Variants in VSNL1 observed in about 807,000 individuals in gnomAD.
VSNL1 encodes the protein visinin like 1.
Under a neutral mutation model 20.4 loss-of-function variants are expected in VSNL1, and 6 were observed. That is an observed-to-expected ratio of 0.29 (90% CI 0.16 to 0.58). The LOEUF is 0.58. VSNL1 is among the 20% of genes least tolerant of loss of function. The pLI is 0.90. For synonymous variants in VSNL1, 93 were observed against 86.4 expected (o/e 1.08, Z -0.42); for missense variants, 100 against 234.5 (o/e 0.43, Z 3.75).
rs920350847 is a variant in VSNL1, at chr2:17,656,695, C to A, written c.*1301C>A. On this transcript the variant is annotated 3_prime_UTR_variant, in exon 4 of 4. Coordinates refer to ENST00000295156, the MANE Select transcript of VSNL1 (RefSeq NM_003385.5). Reference sequence around the variant, plus strand: ...GGTTTGCATTTTCAGAACATGCCCCCCTAGAGAGTTGAGTTTTTTACACAG... The same window carrying A: ...GGTTTGCATTTTCAGAACATGCCCCACTAGAGAGTTGAGTTTTTTACACAG... 1.3e-5 allele frequency: 2 copies of A among 152,286 alleles called. No homozygotes were observed. Among genetic ancestry groups the A allele is most frequent in the African/African-American group, 2.4e-5 (1 of 41,564 alleles). The allele number at this position is 152,286 out of a possible 1,614,324, so 9.4% of individuals were successfully genotyped here. A position where few individuals can be genotyped will look rare whatever the true frequency, so the allele number is the denominator to read the frequency against.
intron 2 of VSNL1, among the ~76,000 whole-genome samples, chr2:17,641,166 C>A (rs780570038): frequency 1.3e-5 from 2 of 152,172 alleles, no homozygotes; most frequent in African/African-American, 4.8e-5. Flanking sequence ...AAATGAGAAT[C>A]GATCTTGGAT....
At chr2:17,572,462 G>A (rs1664106490) in intron 1 of VSNL1, among the ~76,000 whole-genome samples, 4 of 152,062 alleles carry the variant, frequency 2.6e-5, no homozygotes, top group Admixed American at 2.6e-4. Context: ...GTCTTACACT[G>A]TGACTGGAGC....
intron 1 of VSNL1, among the ~76,000 whole-genome samples, chr2:17,566,422 A>ATATTAAATTT (rs1251848854): frequency 6.6e-6 from 1 of 152,156 alleles, no homozygotes; most frequent in Non-Finnish European, 1.5e-5. Context: ...TGGTATCATA[A>ATATTAAATTT]TATTAAATTT....
intron 2 of VSNL1, among the ~76,000 whole-genome samples, chr2:17,618,226 C>T (rs781604823): frequency 2.0e-5 from 3 of 152,184 alleles, no homozygotes; most frequent in East Asian, 3.8e-4. Flanking sequence ...TATTATCTTA[C>T]ACTTTTGGGG....
intron 2 of VSNL1, among the ~76,000 whole-genome samples, chr2:17,623,272 T>C (rs1665427979): frequency 6.6e-6 from 1 of 152,094 alleles, no homozygotes; most frequent in African/African-American, 2.4e-5. Context: ...TGTAAGTAAG[T>C]AGGATACTTG....
chr2:17,603,181 A>G (rs542294589), intron 2 of VSNL1, among the ~76,000 whole-genome samples: 1 of 152,354 alleles, frequency 6.6e-6, no homozygotes, highest in East Asian at 1.9e-4. Flanking sequence ...GTCTCAGTTC[A>G]TTTGAGCTGC....
chr2:17,602,677 T>C (rs1664848734), intron 2 of VSNL1, among the ~76,000 whole-genome samples: 1 of 152,046 alleles, frequency 6.6e-6, no homozygotes, highest in South Asian at 2.1e-4. Flanking sequence ...GAGGCGGCAG[T>C]TGCATTGAGC....
chr2:17,619,477 A>C (rs905727768), intron 2 of VSNL1, among the ~76,000 whole-genome samples: 11 of 152,166 alleles, frequency 7.2e-5, no homozygotes, highest in Admixed American at 3.9e-4. Context: ...ATGAATATTA[A>C]CTCAAATGCG....
chr2:17,654,305 C>T (rs777583678), intron 3 of VSNL1, among the ~76,000 whole-genome samples: 21 of 152,180 alleles, frequency 1.4e-4, no homozygotes, highest in Non-Finnish European at 4.4e-5. Context: ...AATCTTCTCA[C>T]TCTATTCTTT....
chr2:17,561,516 C>A (rs942289521), intron 1 of VSNL1, among the ~76,000 whole-genome samples: 18 of 152,100 alleles, frequency 1.2e-4, no homozygotes, highest in Non-Finnish European at 2.4e-4. Context: ...CAGTATTAAG[C>A]AATTTTACTC....
intron 2 of VSNL1, among the ~76,000 whole-genome samples, chr2:17,604,249 T>G (rs74547636): frequency 0.082 from 12,419 of 152,264 alleles, 694 homozygotes; most frequent in Non-Finnish European, 0.12. Flanking sequence ...ACTGAGCAGG[T>G]GATGAGCAGG....
intron 2 of VSNL1, among the ~76,000 whole-genome samples, chr2:17,592,638 CTCTTTTTTTTTT>C (rs1405733646): frequency 1.9e-3 from 144 of 77,646 alleles, no homozygotes; most frequent in Non-Finnish European, 2.9e-3. Context: ...CTCTCTCTCT[CTCTTTTTTTTTT>C]TTTTTTTTTT....
At chr2:17,619,761 G>A (rs192292037) in intron 2 of VSNL1, among the ~76,000 whole-genome samples, 71 of 152,090 alleles carry the variant, frequency 4.7e-4, no homozygotes, top group African/African-American at 1.5e-3. Flanking sequence ...GAGGAATGAG[G>A]GTAACGTATT....
intron 1 of VSNL1, among the ~76,000 whole-genome samples, chr2:17,579,116 T>C (rs550232496): frequency 3.9e-5 from 6 of 152,140 alleles, no homozygotes; most frequent in South Asian, 2.1e-4. Flanking sequence ...TTCTTTCTTT[T>C]TTTTTATTTT....
At chr2:17,613,802 A>G (rs1361631542) in intron 2 of VSNL1, among the ~76,000 whole-genome samples, 1 of 152,166 alleles carries the variant, frequency 6.6e-6, no homozygotes, top group African/African-American at 2.4e-5. Flanking sequence ...TTGTTCATCT[A>G]TTCATCCCAT....
intron 1 of VSNL1, among the ~76,000 whole-genome samples, chr2:17,568,657 C>CT (rs1183580247): frequency 6.6e-6 from 1 of 152,126 alleles, no homozygotes; most frequent in Non-Finnish European, 1.5e-5. Context: ...TGTTTACCAA[C>CT]TTTTTTCATC....
chr2:17,604,858 A>G (rs1257755387), intron 2 of VSNL1, among the ~76,000 whole-genome samples: 1 of 152,134 alleles, frequency 6.6e-6, no homozygotes, highest in African/African-American at 2.4e-5. Context: ...TTATTACTAA[A>G]TGGCACAAAG....
chr2:17,612,431 G>C (rs553214334), intron 2 of VSNL1, among the ~76,000 whole-genome samples: 6 of 152,208 alleles, frequency 3.9e-5, no homozygotes, highest in Non-Finnish European at 8.8e-5. Flanking sequence ...ACTGTGGGAT[G>C]CTGGGTAATG....
chr2:17,593,498 A>C (rs1572353233), intron 2 of VSNL1, among the ~76,000 whole-genome samples: 1 of 152,314 alleles, frequency 6.6e-6, no homozygotes, highest in Non-Finnish European at 1.5e-5. Flanking sequence ...GAAGTGATGA[A>C]CCCAAGATTC....
Sources: allele counts gnomAD v4.1 joint callset (sites outside exome capture counted in the v4.1 genomes callset), GRCh38; gene constraint gnomAD v4.1.1; transcripts MANE v1.5; gene names NCBI Gene and HGNC (gene_info 2026-07-23, HGNC 2026-07-21).